The following SULF1 variants were observed in gnomAD, a reference collection of about 807,000 sequenced individuals.
The protein encoded by SULF1 is extracellular sulfatase Sulf-1.
A neutral mutation model predicts 110.5 loss-of-function variants in SULF1; 46 were observed. The ratio of observed to expected loss-of-function variants is 0.42; its 90% CI spans 0.33 to 0.53. SULF1 has a LOEUF of 0.53. Among genes scored for constraint, SULF1 ranks in the 20% least tolerant of loss-of-function variants. The pLI, the probability that SULF1 is intolerant of heterozygous loss-of-function variation, is 0.12. For synonymous variants in SULF1, 371 were observed against 387.1 expected, an observed-to-expected ratio of 0.96 and a Z score of 0.49; for missense variants, 941 against 1,094.2, an observed-to-expected ratio of 0.86 and a Z score of 1.98.
intron 19 of SULF1, 155 bp from the exon 20 acceptor site, chr8:69,638,347 G>C (rs1034506592): frequency 1.2e-6 from 1 of 851,934 alleles, no homozygotes; most frequent in Non-Finnish European, 1.8e-6. Context: ...CCTACGGGGG[G>C]AAAGGTATTA....
At chr8:69,543,748 A>C (rs761503882) in intron 3 of SULF1, among the ~76,000 whole-genome samples, 4 of 152,134 alleles carry the variant, frequency 2.6e-5, no homozygotes, top group Admixed American at 6.5e-5. Flanking sequence ...TTATAGCCCA[A>C]TTGATTCTCT....
At chr8:69,627,400 A>G in intron 16 of SULF1, 94 bp downstream of exon 16, 2 of 821,214 alleles carry the variant, frequency 2.4e-6, no homozygotes, top group Non-Finnish European at 4.0e-6. Context: ...ACAGATACAC[A>G]TCATCTATAA....
chr8:69,589,875 C>A (rs555007548), intron 8 of SULF1, among the ~76,000 whole-genome samples: 1 of 152,302 alleles, frequency 6.6e-6, no homozygotes, highest in African/African-American at 2.4e-5. Flanking sequence ...TCTTCCTAAG[C>A]TTTGCCATCA....
At chr8:69,588,565 T>C (rs576348314) in intron 7 of SULF1, among the ~76,000 whole-genome samples, 41 of 152,182 alleles carry the variant, frequency 2.7e-4, no homozygotes, top group Non-Finnish European at 4.9e-4. Context: ...GGCGTGGGTG[T>C]TTCCTGCCCT....
chr8:69,633,406 G>A (rs912563066), intron 19 of SULF1, among the ~76,000 whole-genome samples: 1 of 148,588 alleles, frequency 6.7e-6, no homozygotes, highest in Non-Finnish European at 1.5e-5. Context: ...TCAGCTCACT[G>A]CAACCTCCGC....
intron 22 of SULF1, among the ~76,000 whole-genome samples, chr8:69,655,947 C>A (rs1216466746): frequency 4.6e-5 from 7 of 152,130 alleles, no homozygotes; most frequent in African/African-American, 1.7e-4. Flanking sequence ...TAAATGTGCA[C>A]CCTCTATATT....
intron 3 of SULF1, among the ~76,000 whole-genome samples, chr8:69,558,727 T>C (rs754935904): frequency 6.6e-6 from 1 of 152,208 alleles, no homozygotes; most frequent in Non-Finnish European, 1.5e-5. Context: ...AGGTACACTC[T>C]AAGCCAGCAA....
rs181853261 is a variant in SULF1 at position 69,582,810 on chromosome 8, C to T, written c.413-3547C>T. Among the ~76,000 whole-genome samples, 7 of 152,094 alleles carry T rather than the reference C, an allele frequency of 4.6e-5. No homozygotes were observed. In the East Asian group the frequency reaches 5.8e-4, roughly 13 times the overall value. On this transcript the variant is annotated intron_variant, in intron 6 of 22. Transcript: ENST00000402687. ...CTTTTTGGAAACAATCGCTTTTGAA[C>T]GTTAGTGGGGTGTGGCCTTGGTCTG...
chr8:69,658,084 C>T (rs1394525385), intron 22 of SULF1, among the ~76,000 whole-genome samples: 1 of 152,168 alleles, frequency 6.6e-6, no homozygotes, highest in Non-Finnish European at 1.5e-5. Flanking sequence ...TCAAATTTGT[C>T]ATTCACCCAG....
intron 3 of SULF1, among the ~76,000 whole-genome samples, chr8:69,547,780 C>T (rs923348351): frequency 1.3e-5 from 2 of 152,138 alleles, no homozygotes; most frequent in African/African-American, 4.8e-5. Context: ...CATTATCTCA[C>T]TAGTGCCTGA....
At chr8:69,640,322 T>C (rs1419951269) in intron 21 of SULF1, among the ~76,000 whole-genome samples, 4 of 152,132 alleles carry the variant, frequency 2.6e-5, no homozygotes, top group Non-Finnish European at 5.9e-5. Context: ...ACATAACAAC[T>C]CTACTTAGTG....
Position 69,586,452 on chromosome 8 carries a change from A to G in SULF1, c.508A>G (p.Asn170Asp). The G allele has an allele frequency of 6.2e-7, 1 of 1,612,300 alleles. No individual in the cohort carries two copies. ...LGLIKNSRFY[N>D]YTVCRNGIKE... Reference sequence around the variant, plus strand: ...ATTAATCAAGAATTCTCGCTTCTATAATTACACTGTTTGTCGCAATGGCAT... The same window carrying G: ...ATTAATCAAGAATTCTCGCTTCTATGATTACACTGTTTGTCGCAATGGCAT... Residue 170 changes from asparagine (N) to aspartate (D), a missense_variant, in exon 7 of 23, where the codon AAT becomes GAT. Asn to Asp is a conservative substitution (Grantham distance 23). Coordinates refer to ENST00000402687, the MANE Select transcript of SULF1 (RefSeq NM_001128205.2).
At chr8:69,497,513 C>A (rs1017030362) in intron 2 of SULF1, among the ~76,000 whole-genome samples, 19 of 152,132 alleles carry the variant, frequency 1.2e-4, no homozygotes, top group Non-Finnish European at 2.6e-4. Flanking sequence ...TAAAGGACAA[C>A]TGCATAGGAA....
intron 3 of SULF1, among the ~76,000 whole-genome samples, chr8:69,533,287 G>A (rs1171919665): frequency 2.6e-5 from 4 of 152,144 alleles, no homozygotes; most frequent in African/African-American, 9.7e-5. Flanking sequence ...TGCAGGACGT[G>A]CAGGTTTGTT....
chr8:69,509,672 C>CA (rs1469529867), intron 3 of SULF1, among the ~76,000 whole-genome samples: 1 of 152,160 alleles, frequency 6.6e-6, no homozygotes, highest in East Asian at 1.9e-4. Flanking sequence ...CAGCCAGAGA[C>CA]AAAAAATGAC....
intron 3 of SULF1, among the ~76,000 whole-genome samples, chr8:69,555,676 A>G (rs941328582): frequency 6.6e-6 from 1 of 152,224 alleles, no homozygotes; most frequent in East Asian, 1.9e-4. Context: ...AAGTATGCCA[A>G]TGGGGTTCTC....
At chr8:69,651,476 A>T (rs1336841253) in intron 22 of SULF1, among the ~76,000 whole-genome samples, 1 of 152,242 alleles carries the variant, frequency 6.6e-6, no homozygotes, top group Admixed American at 6.5e-5. Context: ...TTCTCTATTA[A>T]ATAAGAGGCA....
chr8:69,590,892 C>A (rs1289060892), intron 8 of SULF1, among the ~76,000 whole-genome samples: 2 of 152,134 alleles, frequency 1.3e-5, no homozygotes, highest in Non-Finnish European at 2.9e-5. Context: ...CCAACTGATT[C>A]AATGAAAGGA....
chr8:69,559,965 G>A lies in SULF1; in HGVS notation c.-133-3574G>A, dbSNP rs553637255. On this transcript the variant is annotated intron_variant, in intron 3 of 22. Transcript: ENST00000402687. ...TCATGCTAAGACAAAAGCGGAAAGC[G>A]GTTCTACCTACTATTGCTTTTATGC... 5.9e-5 allele frequency among the ~76,000 whole-genome samples: 9 copies of A among 152,274 alleles called. No homozygotes were observed. In the South Asian group the frequency reaches 1.7e-3, roughly 28 times the overall value.
Sources: gnomAD v4.1 joint callset for allele counts (sites outside exome capture counted in the v4.1 genomes callset) on GRCh38, gnomAD v4.1.1 for gene constraint, MANE v1.5 for transcripts, NCBI Gene and HGNC (gene_info 2026-07-23, HGNC 2026-07-21) for gene names.